Variants in ANKS1B observed in about 807,000 individuals in gnomAD.
The protein encoded by ANKS1B is ankyrin repeat and sterile alpha motif domain containing 1B.
In ANKS1B, 36 loss-of-function variants were observed where a neutral mutation model predicts 148.3. The observed-to-expected ratio is 0.24, with a 90% CI of 0.19 to 0.32. ANKS1B has a LOEUF of 0.32. ANKS1B is among the 10% of genes least tolerant of loss of function. The pLI is 1.00. For missense variants in ANKS1B, 1,157 were observed against 1,542.6 expected (o/e 0.75, Z 4.19); for synonymous variants, 542 against 560.8 (o/e 0.97, Z 0.47).
At chr12:98,867,039 G>A (rs1457570891) in intron 17 of ANKS1B, among the ~76,000 whole-genome samples, 2 of 152,196 alleles carry the variant, frequency 1.3e-5, no homozygotes, top group African/African-American at 4.8e-5. Flanking sequence ...GAAAGGTGAG[G>A]ATTATATAGA....
chr12:99,869,979 T>C (rs1442577392), intron 1 of ANKS1B, among the ~76,000 whole-genome samples: 4 of 152,216 alleles, frequency 2.6e-5, no homozygotes, highest in African/African-American at 9.6e-5. Context: ...TCGGGGTAGA[T>C]GTACAGATTT....
At chr12:99,812,585 C>A (rs7398432) in intron 2 of ANKS1B, among the ~76,000 whole-genome samples, 1,195 of 139,654 alleles carry the variant, frequency 8.6e-3, no homozygotes, top group African/African-American at 0.01. Flanking sequence ...AGAAAGAGAG[C>A]GAGAGCACAC....
intron 9 of ANKS1B, among the ~76,000 whole-genome samples, chr12:99,539,882 T>C (rs1259705098): frequency 6.6e-6 from 1 of 152,066 alleles, no homozygotes; most frequent in Admixed American, 6.6e-5. Flanking sequence ...CAGATAAATT[T>C]TGTTCAAAAA....
At chr12:98,798,740 A>G (rs1054273792) in intron 22 of ANKS1B, among the ~76,000 whole-genome samples, 194 bp downstream of exon 22, 1 of 152,234 alleles carries the variant, frequency 6.6e-6, no homozygotes, top group African/African-American at 2.4e-5. Context: ...TAGCAAATAG[A>G]CATTAACTCA....
intron 17 of ANKS1B, among the ~76,000 whole-genome samples, chr12:99,007,840 C>A (rs138290805): frequency 9.7e-4 from 148 of 151,968 alleles, no homozygotes; most frequent in African/African-American, 3.4e-3. Flanking sequence ...CATACCCTAG[C>A]GACCACTGAG....
At chr12:99,195,253 T>G (rs2081254764) in intron 14 of ANKS1B, among the ~76,000 whole-genome samples, 1 of 152,184 alleles carries the variant, frequency 6.6e-6, no homozygotes, top group Non-Finnish European at 1.5e-5. Flanking sequence ...GACACTAATT[T>G]AGTCAGACAA....
At chr12:99,118,751 C>G (rs2062001508) in intron 15 of ANKS1B, among the ~76,000 whole-genome samples, 1 of 152,118 alleles carries the variant, frequency 6.6e-6, no homozygotes. Context: ...AATGAGCAGT[C>G]AAAAATGACT....
At chr12:99,911,838 G>T (rs2153787682) in intron 1 of ANKS1B, among the ~76,000 whole-genome samples, 1 of 152,002 alleles carries the variant, frequency 6.6e-6, no homozygotes, top group East Asian at 1.9e-4. Context: ...TAAAAGATAA[G>T]GGTTCCCTTC....
chr12:99,500,060 C>A (rs528575089), intron 10 of ANKS1B, among the ~76,000 whole-genome samples: 1 of 152,078 alleles, frequency 6.6e-6, no homozygotes, highest in Non-Finnish European at 1.5e-5. Flanking sequence ...GGAAAGAAAA[C>A]GTAACTGTAA....
chr12:99,294,034 C>G (rs1293703316), intron 12 of ANKS1B, among the ~76,000 whole-genome samples: 1 of 152,062 alleles, frequency 6.6e-6, no homozygotes, highest in Non-Finnish European at 1.5e-5. Flanking sequence ...TAATGAATGC[C>G]AGCAAGGATG....
At chr12:99,154,623 C>A in intron 14 of ANKS1B, 1 of 1,450,938 alleles carries the variant, frequency 6.9e-7, no homozygotes, top group South Asian at 1.5e-5. Flanking sequence ...CCTAGCTCCA[C>A]ATTTCTTACA....
intron 17 of ANKS1B, among the ~76,000 whole-genome samples, chr12:98,950,539 G>T (rs886106689): frequency 6.6e-6 from 1 of 151,986 alleles, no homozygotes; most frequent in Non-Finnish European, 1.5e-5. Context: ...TGTCCCATCT[G>T]TCCTGCGAGT....
intron 8 of ANKS1B, among the ~76,000 whole-genome samples, chr12:99,765,925 G>A (rs764078513): frequency 2.6e-5 from 4 of 152,110 alleles, no homozygotes. Context: ...AGGTCACCCT[G>A]CTAGTAAATT....
At chr12:99,037,377 G>A (rs1261241083) in intron 17 of ANKS1B, among the ~76,000 whole-genome samples, 6 of 152,092 alleles carry the variant, frequency 3.9e-5, no homozygotes, top group Non-Finnish European at 7.3e-5. Flanking sequence ...CTAGCTGGGT[G>A]TGGTGGCGGG....
intron 8 of ANKS1B, among the ~76,000 whole-genome samples, chr12:99,727,379 C>T (rs1455271576): frequency 6.6e-6 from 1 of 151,962 alleles, no homozygotes; most frequent in African/African-American, 2.4e-5. Context: ...CAAATGAACT[C>T]CCATTCACAA....
intron 9 of ANKS1B, among the ~76,000 whole-genome samples, chr12:99,542,864 A>C (rs1490067263): frequency 6.6e-6 from 1 of 152,142 alleles, no homozygotes; most frequent in Non-Finnish European, 1.5e-5. Flanking sequence ...CCTAAACGAA[A>C]GGGTAAACTC....
chr12:99,121,323 GT>G (rs1566221053), intron 15 of ANKS1B, among the ~76,000 whole-genome samples: 3 of 123,254 alleles, frequency 2.4e-5, no homozygotes, highest in South Asian at 2.6e-4. Context: ...ATGTAGGTAT[GT>G]GTGTGTGTGT....
In ANKS1B at chr12:99,590,250, A is replaced by C. The variant is rs974898976; in HGVS notation, c.1272+64817T>G. Among the ~76,000 whole-genome samples the C allele has an allele frequency of 4.9e-5, 7 of 143,930 alleles. No individual in the cohort carries two copies. In the East Asian group the frequency reaches 8.2e-4, roughly 17 times the overall value. 94.4% of individuals were successfully genotyped at this position (143,930 alleles called of 152,430 possible). A position where few individuals can be genotyped will look rare whatever the true frequency, so the allele number is the denominator to read the frequency against. On this transcript the variant is annotated intron_variant, in intron 9 of 26. Transcript: ENST00000683438. ...TCATTTAAAACATTCACTCACACCC[A>C]CACCCACCCACACACACACACACAC...
At chr12:99,786,413 T>C (rs1448447193) in intron 4 of ANKS1B, among the ~76,000 whole-genome samples, 1 of 152,146 alleles carries the variant, frequency 6.6e-6, no homozygotes, top group African/African-American at 2.4e-5. Flanking sequence ...GAAGACAGTC[T>C]GAAGTCTAAG....
Sources: gnomAD v4.1 joint callset for allele counts (sites outside exome capture counted in the v4.1 genomes callset) on GRCh38, gnomAD v4.1.1 for gene constraint, MANE v1.5 for transcripts, NCBI Gene and HGNC (gene_info 2026-07-23, HGNC 2026-07-21) for gene names.